Variants in NWD1 observed in about 807,000 individuals in gnomAD.
NWD1 encodes NACHT and WD repeat domain containing 1.
A neutral mutation model predicts 135.1 loss-of-function variants in NWD1; 129 were observed. The ratio of observed to expected loss-of-function variants is 0.96; its 90% CI spans 0.83 to 1.11. The LOEUF is 1.11. Among genes scored for constraint, NWD1 ranks in the 50% least tolerant of loss-of-function variants. The pLI, the probability that NWD1 is intolerant of heterozygous loss-of-function variation, is 0.00. For missense variants in NWD1, 1,740 were observed against 1,851.3 expected (o/e 0.94, Z 1.10); for synonymous variants, 773 against 786.0 (o/e 0.98, Z 0.28).
Position 16,765,084 on chromosome 19 carries a change from C to A in NWD1, c.2302C>A (p.Leu768Met), listed in dbSNP as rs771636545. ...GGGCATCTCTGGGGGCATTGAAGAC[C>A]TGCTGGATGACTTTGACCTGTGTGC... ...CRGISGGIEDLLDDFDLCAPH... is the reference protein window; with the variant it reads ...CRGISGGIEDMLDDFDLCAPH... Residue 768 changes from leucine to methionine, a missense_variant, in exon 10 of 19, where the codon CTG (leucine) becomes ATG (methionine). Leu to Met is a conservative substitution (Grantham distance 15). Coordinates refer to ENST00000524140, the MANE Select transcript of NWD1 (RefSeq NM_001007525.5). 3.1e-6 allele frequency: 5 copies of A among 1,614,116 alleles called. No homozygotes were observed. In the South Asian group the frequency reaches 4.4e-5, roughly 14 times the overall value.
chr19:16,794,722 GT>G (rs1447648715), intron 15 of NWD1, among the ~76,000 whole-genome samples, 169 bp downstream of exon 15: 1 of 152,172 alleles, frequency 6.6e-6, no homozygotes, highest in African/African-American at 2.4e-5. Flanking sequence ...GACAACCTCA[GT>G]TGCAAAGACT....
chr19:16,756,199 C>T (rs1968790386), intron 6 of NWD1, among the ~76,000 whole-genome samples: 1 of 152,026 alleles, frequency 6.6e-6, no homozygotes, highest in Non-Finnish European at 1.5e-5. Flanking sequence ...TTGCAGTGAG[C>T]CTAGATCACG....
At chr19:16,738,011 A>AAAAGAAAAGAAAAGC (rs1967910305) in intron 4 of NWD1, among the ~76,000 whole-genome samples, 1 of 151,814 alleles carries the variant, frequency 6.6e-6, no homozygotes, top group African/African-American at 2.4e-5. Flanking sequence ...AAAAGAAAAG[A>AAAAGAAAAGAAAAGC]AATTCTAGAG....
chr19:16,773,157 C>T lies in NWD1; in HGVS notation c.2442C>T (p.Ala814=). 6.2e-7 allele frequency: 1 copy of T among 1,613,938 alleles called. No individual in the cohort carries two copies. The highest frequency in any genetic ancestry group is 8.5e-7 in the Non-Finnish European group (1 of 1,180,034). ...GCCTCCTGTACACAGAACTGCTGGCCAGACTCCATTTCTTCGCCACCTCAC... is the reference window on the plus strand; with the variant it reads ...GCCTCCTGTACACAGAACTGCTGGCTAGACTCCATTTCTTCGCCACCTCAC... The part of the protein sequence containing the change: ...ERSLLYTELL[A]RLHFFATSHP... Residue 814 remains alanine (A), a synonymous_variant, in exon 11 of 19, where the codon GCC becomes GCT. Transcript: ENST00000524140.
chr19:16,757,500 C>T (rs1007394102), intron 6 of NWD1, among the ~76,000 whole-genome samples: 21 of 152,288 alleles, frequency 1.4e-4, no homozygotes, highest in Admixed American at 4.6e-4. Flanking sequence ...TTGCTTTTGG[C>T]AGATGAGGAA....
chr19:16,812,333 T>A (rs1255664914), intron 18 of NWD1, among the ~76,000 whole-genome samples: 1 of 150,352 alleles, frequency 6.7e-6, no homozygotes, highest in Non-Finnish European at 1.5e-5. Context: ...GCCTGGTTCC[T>A]TGGGGCTGGT....
intron 6 of NWD1, among the ~76,000 whole-genome samples, chr19:16,755,233 G>A (rs1279681886): frequency 6.6e-6 from 1 of 151,528 alleles, no homozygotes; most frequent in African/African-American, 2.4e-5. Flanking sequence ...TTTTTGGGGG[G>A]GGACAGGGTC....
rs1568340256 is a variant in NWD1, at chr19:16,738,859, T to TATATTATATATAATA, written c.198+2109_198+2110insATATTATATATAATA. Among the ~76,000 whole-genome samples the TATATTATATATAATA allele has an allele frequency of 5.6e-5, 8 of 143,094 alleles. 2 individuals are homozygous for TATATTATATATAATA. The highest frequency in any genetic ancestry group is 2.1e-4 in the African/African-American group (8 of 38,558). The allele number at this position is 143,094 out of a possible 152,430, so 93.9% of individuals were successfully genotyped here. ...ATTATATATTATATATAATACATTA[T>TATATTATATATAATA]CTATAATATATAATACATTATATAT... On this transcript the variant is annotated intron_variant, in intron 4 of 18. Transcript: ENST00000524140.
chr19:16,749,042 C>T (rs1316865310), intron 5 of NWD1, 97 bp from the exon 6 acceptor site: 2 of 906,580 alleles, frequency 2.2e-6, no homozygotes, highest in Non-Finnish European at 3.4e-6. Context: ...AGAACCAATG[C>T]ACATCCCCCA....
chr19:16,733,508 G>GCA (rs1967664962), intron 3 of NWD1, among the ~76,000 whole-genome samples: 1 of 116,954 alleles, frequency 8.6e-6, no homozygotes. Flanking sequence ...GCAACAGAAT[G>GCA]AGATTCTGTC....
chr19:16,722,786 C>G (rs1208708590), intron 1 of NWD1, among the ~76,000 whole-genome samples: 1 of 151,826 alleles, frequency 6.6e-6, no homozygotes, highest in Admixed American at 6.6e-5. Context: ...AGCTTTAAGT[C>G]ACGTGATATT....
chr19:16,782,052 C>T (rs1479833645), intron 12 of NWD1, among the ~76,000 whole-genome samples: 2 of 149,442 alleles, frequency 1.3e-5, no homozygotes, highest in African/African-American at 2.5e-5. Context: ...CGAGATTGCA[C>T]CACTGCACTC....
chr19:16,794,382 A>T (rs964865994), intron 14 of NWD1, 81 bp from the exon 15 acceptor site: 1 of 777,574 alleles, frequency 1.3e-6, no homozygotes, highest in Admixed American at 2.8e-5. Flanking sequence ...AAAAAAAATA[A>T]AAATTAAAAA....
chr19:16,778,208 C>T (rs1024989460), intron 11 of NWD1, among the ~76,000 whole-genome samples: 2 of 152,094 alleles, frequency 1.3e-5, no homozygotes, highest in African/African-American at 4.8e-5. Flanking sequence ...CCTTTCTTTA[C>T]TCCAGGACAT....
At chr19:16,741,618 C>T (rs1396817397) in intron 4 of NWD1, among the ~76,000 whole-genome samples, 1 of 151,866 alleles carries the variant, frequency 6.6e-6, no homozygotes, top group Non-Finnish European at 1.5e-5. Context: ...ATCCACCTGC[C>T]TCGGCCTCCC....
At position 16,800,094 on chromosome 19, in the gene NWD1, A is replaced by G. The variant is rs193920843; in HGVS notation, c.3668A>G (p.Asn1223Ser). The G allele has an allele frequency of 7.4e-6, 12 of 1,614,002 alleles. No homozygotes were observed. The highest frequency in any genetic ancestry group is 4.0e-5 in the African/African-American group (3 of 74,956). ...ACCGGCCTCACCGCAGTGTCCCACAATGGAAGCTACGTCTACTTCCCCAAA... is the reference window on the plus strand; with the variant it reads ...ACCGGCCTCACCGCAGTGTCCCACAGTGGAAGCTACGTCTACTTCCCCAAA... Reference protein sequence around the residue: ...DRTGLTAVSHNGSYVYFPKIG... With the variant: ...DRTGLTAVSHSGSYVYFPKIG... Residue 1223 changes from asparagine to serine, a missense_variant, in exon 17 of 19, where the codon AAT becomes AGT. By Grantham distance (46) the Asn-to-Ser change is conservative. Transcript: ENST00000524140.
chr19:16,775,538 G>A (rs1969569805), intron 11 of NWD1, among the ~76,000 whole-genome samples: 1 of 152,210 alleles, frequency 6.6e-6, no homozygotes, highest in South Asian at 2.1e-4. Flanking sequence ...AGGAGAAGCA[G>A]ATGGCAGGCC....
chr19:16,788,986 G>A lies in NWD1; in HGVS notation c.2736G>A (p.Glu912=). 4 of 1,611,118 alleles carry A rather than the reference G, an allele frequency of 2.5e-6. No homozygotes were observed. Among genetic ancestry groups the A allele is most frequent in the African/African-American group, 1.3e-5 (1 of 74,942 alleles). Residue 912 remains glutamate, a synonymous_variant, in exon 13 of 19, where the codon GAG becomes GAA. Coordinates refer to ENST00000524140, the MANE Select transcript of NWD1 (RefSeq NM_001007525.5). ...VIHMLTGHTG[E]VRCVKIFAKG... ...CCCTACCCTGGCCTGCTGCAGGAGA[G>A]GTGAGGTGTGTGAAAATATTTGCCA...
intron 18 of NWD1, 124 bp from the exon 19 acceptor site, chr19:16,814,904 G>C: frequency 1.3e-6 from 1 of 766,708 alleles, no homozygotes; most frequent in South Asian, 1.7e-5. Context: ...CATAATAAAT[G>C]TCATGCCAAA....
Sources: gnomAD v4.1 joint callset for allele counts (sites outside exome capture counted in the v4.1 genomes callset) on GRCh38, gnomAD v4.1.1 for gene constraint, MANE v1.5 for transcripts, NCBI Gene and HGNC (gene_info 2026-07-23, HGNC 2026-07-21) for gene names.